IPO11: variants seen among roughly 807,000 people sequenced by gnomAD.
IPO11 encodes the protein importin 11, also known as importin-11.
A neutral mutation model predicts 143.2 loss-of-function variants in IPO11; 66 were observed. The observed-to-expected ratio is 0.46, with a 90% CI of 0.38 to 0.57. IPO11 has a LOEUF of 0.57. Ranked by LOEUF, IPO11 falls within the 20% of genes least tolerant of loss-of-function variation. IPO11 has a pLI of 0.00. For synonymous variants in IPO11, 385 were observed against 377.8 expected (o/e 1.02, Z -0.22); for missense variants, 1,026 against 1,141.0 (o/e 0.90, Z 1.45).
In IPO11 at chr5:62,504,841, C is replaced by T; in HGVS notation, c.1625-17C>T. 1 of 1,521,392 alleles carries T rather than the reference C, an allele frequency of 6.6e-7. No homozygotes were observed. Among genetic ancestry groups the T allele is most frequent in the South Asian group, 1.2e-5 (1 of 81,962 alleles). The allele number at this position is 1,521,392 out of a possible 1,614,324, so 94.2% of individuals were successfully genotyped here. A position where few individuals can be genotyped will look rare whatever the true frequency, so the allele number is the denominator to read the frequency against. ...ATAAAACTTATATATTCTCAGTATT[C>T]CTTAACTGTTCTTCACCTGTTGATG... is the stretch of plus-strand genomic sequence containing the variant. On this transcript the variant is annotated splice_polypyrimidine_tract_variant and intron_variant, in intron 17 of 29. Coordinates refer to ENST00000325324, the MANE Select transcript of IPO11 (RefSeq NM_016338.5).
At chr5:62,440,112 G>C (rs534469727) in intron 2 of IPO11, among the ~76,000 whole-genome samples, 1 of 152,136 alleles carries the variant, frequency 6.6e-6, no homozygotes, top group Admixed American at 6.5e-5. Context: ...GATTCTAGGC[G>C]TAAGACAAGA....
At chr5:62,580,575 T>C in intron 27 of IPO11, 1 of 1,551,506 alleles carries the variant, frequency 6.4e-7, no homozygotes, top group African/African-American at 1.4e-5. Flanking sequence ...CTTCAGCCAT[T>C]ACTCTAAACA....
chr5:62,547,224 A>G (rs753880467), intron 24 of IPO11, among the ~76,000 whole-genome samples: 2 of 152,116 alleles, frequency 1.3e-5, no homozygotes, highest in African/African-American at 4.8e-5. Context: ...TAATATTGGT[A>G]TTGTTATTTT....
chr5:62,491,739 C>G (rs1746616488), intron 15 of IPO11, among the ~76,000 whole-genome samples: 1 of 149,302 alleles, frequency 6.7e-6, no homozygotes, highest in South Asian at 2.1e-4. Flanking sequence ...GATCTCGACT[C>G]ACTGCAAGCT....
At chr5:62,588,819 G>A (rs1744902746) in intron 27 of IPO11, among the ~76,000 whole-genome samples, 1 of 152,156 alleles carries the variant, frequency 6.6e-6, no homozygotes, top group Admixed American at 6.5e-5. Flanking sequence ...CAAATCTAGG[G>A]CATTCAACTG....
Position 62,618,295 on chromosome 5 carries a change from T to C in IPO11, c.2764-8859T>C, listed in dbSNP as rs1259389744. Reference sequence around the variant, plus strand: ...CATACAACATTGAGATTGTTACACATAAAAACATGGGAGCAAAACTTAATT... The same window carrying C: ...CATACAACATTGAGATTGTTACACACAAAAACATGGGAGCAAAACTTAATT... On this transcript the variant is annotated intron_variant, in intron 29 of 29. Coordinates refer to ENST00000325324, the MANE Select transcript of IPO11 (RefSeq NM_016338.5). 2.0e-5 allele frequency among the ~76,000 whole-genome samples: 3 copies of C among 152,114 alleles called. No homozygotes were observed. The East Asian group carries it at 5.8e-4, about 29-fold the overall frequency.
intron 21 of IPO11, chr5:62,526,490 T>A: frequency 3.0e-6 from 1 of 329,850 alleles, no homozygotes. Context: ...ATTTCATCTT[T>A]TGGAATTTGT....
chr5:62,499,346 A>G (rs542167523), intron 16 of IPO11, among the ~76,000 whole-genome samples: 158 of 152,338 alleles, frequency 1.0e-3, no homozygotes, highest in African/African-American at 3.6e-3. Flanking sequence ...ATAATATAAA[A>G]GATAAAAAAC....
chr5:62,452,838 G>A (rs1319179256), intron 5 of IPO11, among the ~76,000 whole-genome samples: 1 of 149,690 alleles, frequency 6.7e-6, no homozygotes, highest in Non-Finnish European at 1.5e-5. Flanking sequence ...CTACAGCCTT[G>A]ACCTCCTTGG....
At chr5:62,449,087 G>A (rs1744817871) in intron 3 of IPO11, among the ~76,000 whole-genome samples, 1 of 152,152 alleles carries the variant, frequency 6.6e-6, no homozygotes, top group African/African-American at 2.4e-5. Context: ...AGGCTGGAGT[G>A]CAGTGGTGCA....
intron 16 of IPO11, among the ~76,000 whole-genome samples, chr5:62,500,854 A>C (rs101091): frequency 0.44 from 66,163 of 152,018 alleles, 14,957 homozygotes; most frequent in South Asian, 0.54. Context: ...TTACACCAGC[A>C]TCACCGCAAA....
At chr5:62,434,095 T>A (rs1744084981) in intron 1 of IPO11, among the ~76,000 whole-genome samples, 1 of 152,206 alleles carries the variant, frequency 6.6e-6, no homozygotes, top group African/African-American at 2.4e-5. Flanking sequence ...CTTTCCCCTT[T>A]TCTCACTAAG....
At chr5:62,521,810 A>T (rs890635182) in intron 20 of IPO11, among the ~76,000 whole-genome samples, 1 of 144,342 alleles carries the variant, frequency 6.9e-6, no homozygotes, top group African/African-American at 2.6e-5. Context: ...CTTTTTATTG[A>T]GTTTTTCTTT....
rs765771022 is a variant in IPO11, at chr5:62,561,262, G to C, written c.2582+5G>C. On this transcript the variant is annotated splice_donor_5th_base_variant and intron_variant, in intron 27 of 29. Coordinates refer to ENST00000325324, the MANE Select transcript of IPO11 (RefSeq NM_016338.5). ...TCTTCTGCCATCTGATAATAGGTGA[G>C]GAAATGTTTTCTTAAAATTTGTTTC... 2.8e-6 allele frequency: 4 copies of C among 1,437,486 alleles called. No individual in the cohort carries two copies. The African/African-American group carries it at 7.4e-5, about 27-fold the overall frequency. The allele number at this position is 1,437,486 out of a possible 1,614,324, so 89.0% of individuals were successfully genotyped here.
chr5:62,454,091 C>T (rs1745036322), intron 5 of IPO11, among the ~76,000 whole-genome samples: 1 of 152,144 alleles, frequency 6.6e-6, no homozygotes, highest in African/African-American at 2.4e-5. Flanking sequence ...GCCGAGATTG[C>T]ACCACTGCAC....
At chr5:62,426,423 T>C (rs1472000127) in intron 1 of IPO11, among the ~76,000 whole-genome samples, 2 of 152,090 alleles carry the variant, frequency 1.3e-5, no homozygotes, top group Non-Finnish European at 2.9e-5. Context: ...GCTTACCTAC[T>C]TGTGCTACTG....
At chr5:62,431,476 A>G (rs1261205202) in intron 1 of IPO11, among the ~76,000 whole-genome samples, 1 of 151,890 alleles carries the variant, frequency 6.6e-6, no homozygotes, top group Non-Finnish European at 1.5e-5. Context: ...TGTAGCCTCT[A>G]CCTCCTGAGT....
intron 28 of IPO11, among the ~76,000 whole-genome samples, chr5:62,598,474 C>CTT (rs1745341833): frequency 4.5e-4 from 2 of 4,466 alleles, no homozygotes; most frequent in Admixed American, 4.2e-3. Context: ...CTCTCTCTCT[C>CTT]TCTCTCTCTC....
intron 5 of IPO11, among the ~76,000 whole-genome samples, chr5:62,452,267 AAAAG>A (rs1220094007): frequency 1.3e-5 from 2 of 149,036 alleles, no homozygotes; most frequent in East Asian, 3.9e-4. Context: ...ATAAAATAAA[AAAAG>A]AAAATTGTGC....
Sources: gnomAD v4.1 joint callset for allele counts (sites outside exome capture counted in the v4.1 genomes callset) on GRCh38, gnomAD v4.1.1 for gene constraint, MANE v1.5 for transcripts, NCBI Gene and HGNC (gene_info 2026-07-23, HGNC 2026-07-21) for gene names.